Variants in AP2B1 observed in about 807,000 individuals in gnomAD.
AP2B1 encodes AP-2 complex subunit beta.
In AP2B1, 23 loss-of-function variants were observed where a neutral mutation model predicts 102.0. The ratio of observed to expected loss-of-function variants is 0.23; its 90% CI spans 0.16 to 0.32. AP2B1 has a LOEUF of 0.32. Among genes scored for constraint, AP2B1 ranks in the 10% least tolerant of loss-of-function variants. The pLI is 1.00. For synonymous variants in AP2B1, 381 were observed against 421.2 expected (o/e 0.90, Z 1.17); for missense variants, 541 against 1,157.4 (o/e 0.47, Z 7.73).
At position 35,722,874 on chromosome 17, in the gene AP2B1, T is replaced by C. The variant is rs144794680; in HGVS notation, c.2782-751T>C. ...ATCTGGGTTTAAATTTTGTCCTTAC[T>C]GACTCACAAAGTGAAATTCTCAATA... On this transcript the variant is annotated intron_variant, in intron 21 of 21. Transcript: ENST00000610402. Among the ~76,000 whole-genome samples the C allele has an allele frequency of 2.2e-3, 340 of 152,336 alleles. 1 individual carries two copies. The highest frequency in any genetic ancestry group is 8.0e-3 in the African/African-American group (332 of 41,568).
chr17:35,705,269 G>T (rs1361909351), intron 18 of AP2B1, among the ~76,000 whole-genome samples: 1 of 152,130 alleles, frequency 6.6e-6, no homozygotes, highest in Non-Finnish European at 1.5e-5. Flanking sequence ...GAGATGAACT[G>T]CTTCCCCCAA....
chr17:35,626,531 T>C, intron 6 of AP2B1, 90 bp from the exon 7 acceptor site: 1 of 1,062,518 alleles, frequency 9.4e-7, no homozygotes, highest in South Asian at 1.6e-5. Context: ...TTTTGATACT[T>C]GGCCATTAGA....
chr17:35,696,413 CT>C (rs71366474), intron 18 of AP2B1, among the ~76,000 whole-genome samples: 2,724 of 131,240 alleles, frequency 0.021, 50 homozygotes, highest in African/African-American at 0.062. Context: ...GGAATAAGTT[CT>C]TTTTTTTTTT....
chr17:35,669,944 A>C (rs1462302379), intron 14 of AP2B1, among the ~76,000 whole-genome samples: 1 of 152,190 alleles, frequency 6.6e-6, no homozygotes, highest in Non-Finnish European at 1.5e-5. Context: ...AAACAGCTCC[A>C]TTAGTTGTGT....
chr17:35,623,795 C>T (rs905814492), intron 5 of AP2B1, among the ~76,000 whole-genome samples: 7 of 152,184 alleles, frequency 4.6e-5, no homozygotes, highest in African/African-American at 1.7e-4. Context: ...GTCATCTGAT[C>T]TTATCCTTAA....
Position 35,671,857 on chromosome 17 carries a change from C to G in AP2B1, c.2135C>G (p.Thr712Arg), listed in dbSNP as rs2075595040. The stretch of plus-strand genomic sequence containing the variant: ...CTGAATGACCTGTTTGAACTCTCCA[C>G]AGGGATAGGCATGGCACCTGGTGGA... ...SGLNDLFELS[T>R]GIGMAPGGYV... Residue 712 changes from threonine to arginine, a missense_variant, in exon 16 of 22, where the codon ACA (threonine) becomes AGA (arginine). This residue lies in a region of AP2B1 where 62 missense variants were observed against 87.6 expected (regional missense o/e 0.71). Coordinates refer to ENST00000610402, the MANE Select transcript of AP2B1 (RefSeq NM_001030006.2). The G allele has an allele frequency of 6.2e-7, 1 of 1,613,998 alleles. No homozygotes were observed.
At chr17:35,697,481 C>G (rs2076162467) in intron 18 of AP2B1, among the ~76,000 whole-genome samples, 1 of 152,134 alleles carries the variant, frequency 6.6e-6, no homozygotes, top group South Asian at 2.1e-4. Flanking sequence ...TTTGGAAGCT[C>G]AAAATCAGAG....
At position 35,602,087 on chromosome 17, in the gene AP2B1, A is replaced by AT. The variant is rs201089088; in HGVS notation, c.144-3609dup. 6.3e-4 allele frequency among the ~76,000 whole-genome samples: 96 copies of AT among 151,690 alleles called. No individual in the cohort carries two copies. In the East Asian group the frequency reaches 0.015, roughly 24 times the overall value. Reference sequence around the variant, plus strand: ...TCCTGCAGAAAAGTTAAAACTCTTGATTTTTTTTTATATGCTTGCTATTGC... The same window carrying AT: ...TCCTGCAGAAAAGTTAAAACTCTTGATTTTTTTTTTATATGCTTGCTATTGC... On this transcript the variant is annotated intron_variant, in intron 3 of 21. Transcript: ENST00000610402.
At chr17:35,651,083 T>C (rs189571401) in intron 13 of AP2B1, 1 of 284,614 alleles carries the variant, frequency 3.5e-6, no homozygotes, top group East Asian at 7.2e-5. Context: ...TCTAAATTGA[T>C]AAAGTCTGAA....
At chr17:35,639,835 AG>A in intron 11 of AP2B1, 75 bp downstream of exon 11, 1 of 1,348,830 alleles carries the variant, frequency 7.4e-7, no homozygotes, top group East Asian at 2.3e-5. Flanking sequence ...CAAAGGTTAT[AG>A]GCAGTTTCTT....
chr17:35,694,913 A>G (rs1287086545), intron 18 of AP2B1, among the ~76,000 whole-genome samples: 1 of 152,126 alleles, frequency 6.6e-6, no homozygotes, highest in African/African-American at 2.4e-5. Flanking sequence ...ACAAAAACCC[A>G]GTAAGCCCTA....
rs1555594626 is a variant in AP2B1, at chr17:35,724,738, C to T, written c.*1039C>T. On this transcript the variant is annotated 3_prime_UTR_variant, in exon 22 of 22. Transcript: ENST00000610402. ...AAGCCGAGACCGAGTCTCCTAAGTC[C>T]CCGTCAGTGTGGTTTTCACCACAGG... is the stretch of plus-strand genomic sequence containing the variant. 6.6e-6 allele frequency: 1 copy of T among 152,204 alleles called. No individual in the cohort carries two copies. Among genetic ancestry groups the T allele is most frequent in the African/African-American group, 2.4e-5 (1 of 41,438 alleles). 9.4% of individuals were successfully genotyped at this position (152,204 alleles called of 1,614,324 possible).
At chr17:35,602,346 T>G (rs549689640) in intron 3 of AP2B1, among the ~76,000 whole-genome samples, 1 of 152,210 alleles carries the variant, frequency 6.6e-6, no homozygotes, top group Non-Finnish European at 1.5e-5. Context: ...TGAAGAACCC[T>G]TCTTGGAGAT....
At chr17:35,693,615 T>C (rs955779307) in intron 18 of AP2B1, among the ~76,000 whole-genome samples, 7 of 152,230 alleles carry the variant, frequency 4.6e-5, no homozygotes, top group African/African-American at 1.7e-4. Context: ...GAATCAGTTA[T>C]AGTTTGGAGA....
At chr17:35,602,740 CAT>C (rs1567783958) in intron 3 of AP2B1, among the ~76,000 whole-genome samples, 3 of 152,204 alleles carry the variant, frequency 2.0e-5, no homozygotes, top group Admixed American at 2.0e-4. Flanking sequence ...TTAGTAGTCA[CAT>C]GTGACTAGTG....
intron 5 of AP2B1, among the ~76,000 whole-genome samples, chr17:35,623,681 A>C (rs560889896): frequency 1.3e-5 from 2 of 152,340 alleles, no homozygotes; most frequent in South Asian, 4.1e-4. Context: ...CCCAGTTTCA[A>C]AGGTGTTAAT....
chr17:35,614,971 T>C (rs1050952466), intron 5 of AP2B1, among the ~76,000 whole-genome samples: 1 of 152,204 alleles, frequency 6.6e-6, no homozygotes, highest in Non-Finnish European at 1.5e-5. Flanking sequence ...CTAGTAACAT[T>C]TTTTTGGTTG....
chr17:35,597,329 G>T (rs916607391), intron 2 of AP2B1, among the ~76,000 whole-genome samples: 2 of 152,148 alleles, frequency 1.3e-5, no homozygotes, highest in African/African-American at 2.4e-5. Flanking sequence ...CAATATTAGG[G>T]TTGTTACTTT....
In AP2B1 at chr17:35,681,555, C is replaced by T. The variant is rs587632165; in HGVS notation, c.2325-1140C>T. On this transcript the variant is annotated intron_variant, in intron 17 of 21. Transcript: ENST00000610402. ...AGTAGCTAGGACTACAGGCGTGTGCCACCATGCCCAGCTAATTTGTTTTCT... is the reference window on the plus strand; with the variant it reads ...AGTAGCTAGGACTACAGGCGTGTGCTACCATGCCCAGCTAATTTGTTTTCT... Among the ~76,000 whole-genome samples, 109 of 152,258 alleles carry T rather than the reference C, an allele frequency of 7.2e-4. 1 individual carries two copies. Among genetic ancestry groups the T allele is most frequent in the Non-Finnish European group, 1.1e-3 (76 of 68,018 alleles).
Sources: allele counts gnomAD v4.1 joint callset (sites outside exome capture counted in the v4.1 genomes callset), GRCh38; gene constraint gnomAD v4.1.1; regional missense constraint gnomAD v4.1.1; transcripts MANE v1.5; gene names NCBI Gene and HGNC (gene_info 2026-07-23, HGNC 2026-07-21).